POMZP3: variants seen among roughly 807,000 people sequenced by gnomAD.
POMZP3 encodes POM121 and ZP3 fusion protein.
A neutral mutation model predicts 19.8 loss-of-function variants in POMZP3; 10 were observed. The observed-to-expected ratio is 0.51, with a 90% CI of 0.31 to 0.86. The LOEUF (loss-of-function observed/expected upper bound fraction) is 0.86, where lower values mean the gene tolerates loss of function less well. Ranked by LOEUF, POMZP3 falls within the 40% of genes least tolerant of loss-of-function variation. The pLI, the probability that POMZP3 is intolerant of heterozygous loss-of-function variation, is 0.04. For missense variants in POMZP3, 152 were observed against 228.1 expected, an observed-to-expected ratio of 0.67 and a Z score of 2.15; for synonymous variants, 57 against 85.8, an observed-to-expected ratio of 0.66 and a Z score of 1.85.
Position 76,617,080 on chromosome 7 carries a change from A to C in POMZP3, c.345+1103T>G, listed in dbSNP as rs111676705. ...GAGACTGAGGCAGGAGAATCACTTGAACCTGGGAACCTGGAGTAGCTGGGA... is the reference window on the plus strand; with the variant it reads ...GAGACTGAGGCAGGAGAATCACTTGCACCTGGGAACCTGGAGTAGCTGGGA... On this transcript the variant is annotated intron_variant, in intron 4 of 6. Transcript: ENST00000310842. Among the ~76,000 whole-genome samples the C allele has an allele frequency of 3.0e-4, 29 of 96,158 alleles. 7 individuals are homozygous for C. The highest frequency in any genetic ancestry group is 5.9e-4 in the African/African-American group (14 of 23,672). 63.1% of individuals were successfully genotyped at this position (96,158 alleles called of 152,430 possible).
chr7:76,627,189 C>A lies in POMZP3; in HGVS notation c.-633G>T. On this transcript the variant is annotated 5_prime_UTR_variant, in exon 1 of 7. Transcript: ENST00000310842. ...GGCCGAGAAGCGCCGCCCCGGCCGG[C>A]CCTGACACTCGCTATCGGCCGCCGC... The A allele has an allele frequency of 1.4e-6, 2 of 1,442,904 alleles. No homozygotes were observed. The highest frequency in any genetic ancestry group is 9.2e-7 in the Non-Finnish European group (1 of 1,086,902). 89.4% of individuals were successfully genotyped at this position (1,442,904 alleles called of 1,614,324 possible).
rs1348024079 is a variant in POMZP3 at position 76,627,178 on chromosome 7, G to C, written c.-622C>G. The stretch of plus-strand genomic sequence containing the variant: ...GACCAGCGACAGGCCGAGAAGCGCC[G>C]CCCCGGCCGGCCCTGACACTCGCTA... On this transcript the variant is annotated 5_prime_UTR_variant, in exon 1 of 7. Transcript: ENST00000310842. 2.6e-5 allele frequency: 37 copies of C among 1,441,806 alleles called. 5 individuals are homozygous for C. The highest frequency in any genetic ancestry group is 3.4e-5 in the Non-Finnish European group (37 of 1,086,074). The allele number at this position is 1,441,806 out of a possible 1,614,324, so 89.3% of individuals were successfully genotyped here.
intron 1 of POMZP3, 200 bp from the exon 2 acceptor site, chr7:76,626,415 A>C: frequency 1.6e-6 from 1 of 609,402 alleles, no homozygotes; most frequent in Non-Finnish European, 2.9e-6. Context: ...CAGCTGTCTC[A>C]ACAATGGATT....
At chr7:76,620,064 T>C (rs1214561686) in intron 3 of POMZP3, among the ~76,000 whole-genome samples, 3 of 75,368 alleles carry the variant, frequency 4.0e-5, no homozygotes, top group Non-Finnish European at 7.6e-5. Flanking sequence ...CCTGTAATCC[T>C]AGCACTTTGG....
chr7:76,610,591 T>TCAGTG (rs1481866778), intron 6 of POMZP3, among the ~76,000 whole-genome samples: 1 of 151,996 alleles, frequency 6.6e-6, no homozygotes, highest in East Asian at 1.9e-4. Flanking sequence ...GGCAGAGGTT[T>TCAGTG]CAGTGAGCAG....
chr7:76,615,999 GGCAGGT>G (rs1201431414), intron 4 of POMZP3, among the ~76,000 whole-genome samples: 49 of 68,486 alleles, frequency 7.2e-4, no homozygotes, highest in South Asian at 5.2e-4. Flanking sequence ...AGGGGGGGGG[GGCAGGT>G]GGCACGTGGT....
rs1064143 is a variant in POMZP3, at chr7:76,626,135, G to C, written c.-71C>G. The C allele has an allele frequency of 6.2e-7, 1 of 1,604,954 alleles. No homozygotes were observed. Among genetic ancestry groups the C allele is most frequent in the Non-Finnish European group, 8.5e-7 (1 of 1,173,732 alleles). ...CCAGCACACTGTGGGAAGTACCCCC[G>C]GACAGGAATACTGGGCCTGATGGAT... On this transcript the variant is annotated 5_prime_UTR_variant, in exon 2 of 7. Coordinates refer to ENST00000310842, the MANE Select transcript of POMZP3 (RefSeq NM_012230.5).
At position 76,610,230 on chromosome 7, in the gene POMZP3, C is replaced by T. The variant is rs2116840263; in HGVS notation, c.*12-15G>A. 1 of 1,613,836 alleles carries T rather than the reference C, an allele frequency of 6.2e-7. No individual in the cohort carries two copies. Among genetic ancestry groups the T allele is most frequent in the East Asian group, 2.2e-5 (1 of 44,852 alleles). The stretch of plus-strand genomic sequence containing the variant: ...TTCTTCTGTCACTGTGAAAGGAGAA[C>T]ACACAACCAAGGGTCATCTTAGTCC... On this transcript the variant is annotated splice_polypyrimidine_tract_variant and intron_variant, in intron 6 of 6. Coordinates refer to ENST00000310842, the MANE Select transcript of POMZP3 (RefSeq NM_012230.5).
At chr7:76,619,128 G>C (rs1815407806) in intron 3 of POMZP3, among the ~76,000 whole-genome samples, 1 of 152,142 alleles carries the variant, frequency 6.6e-6, no homozygotes, top group Admixed American at 6.6e-5. Context: ...GCTGGGCGCA[G>C]TGGCTCATGC....
intron 3 of POMZP3, among the ~76,000 whole-genome samples, chr7:76,624,477 G>A (rs1815746693): frequency 6.7e-6 from 1 of 148,250 alleles, no homozygotes; most frequent in East Asian, 2.0e-4. Flanking sequence ...AGACAGTCTC[G>A]CTCTGTCACC....
In POMZP3 at chr7:76,626,707, C is replaced by A; in HGVS notation, c.-152+1G>T. 2.9e-6 allele frequency: 4 copies of A among 1,382,104 alleles called. No individual in the cohort carries two copies. Among genetic ancestry groups the A allele is most frequent in the Non-Finnish European group, 3.7e-6 (4 of 1,075,118 alleles). The allele number at this position is 1,382,104 out of a possible 1,614,324, so 85.6% of individuals were successfully genotyped here. A position where few individuals can be genotyped will look rare whatever the true frequency, so the allele number is the denominator to read the frequency against. ...GATCTGGGAAAATCAGCGCATCTCACCGTGGGGAAGGCCTCCCGGAGGGTC... is the reference window on the plus strand; with the variant it reads ...GATCTGGGAAAATCAGCGCATCTCAACGTGGGGAAGGCCTCCCGGAGGGTC... On this transcript the variant is annotated splice_donor_variant, in intron 1 of 6. Transcript: ENST00000310842. LOFTEE classifies it low-confidence loss of function (5UTR_SPLICE).
chr7:76,621,898 C>G (rs1359319569), intron 3 of POMZP3, among the ~76,000 whole-genome samples: 19 of 115,028 alleles, frequency 1.7e-4, no homozygotes, highest in South Asian at 3.1e-4. Context: ...CGAGATAGCG[C>G]TACTGCACTC....
At chr7:76,620,784 A>G (rs1324945308) in intron 3 of POMZP3, among the ~76,000 whole-genome samples, 1 of 150,712 alleles carries the variant, frequency 6.6e-6, no homozygotes, top group African/African-American at 2.4e-5. Flanking sequence ...CCCTTTCAAA[A>G]CATGTTCCAA....
At chr7:76,613,461 C>G (rs1236932326) in intron 4 of POMZP3, among the ~76,000 whole-genome samples, 1 of 128,646 alleles carries the variant, frequency 7.8e-6, no homozygotes, top group Non-Finnish European at 1.8e-5. Context: ...AGGACCCCCC[C>G]CACCCAGGGA....
chr7:76,626,351 T>C (rs1464988221), intron 1 of POMZP3, 136 bp from the exon 2 acceptor site: 8 of 883,884 alleles, frequency 9.1e-6, no homozygotes, highest in Non-Finnish European at 1.4e-5. Context: ...ACACGTTGTT[T>C]TTATGGCAAC....
At chr7:76,625,016 C>A (rs1225869456) in intron 3 of POMZP3, among the ~76,000 whole-genome samples, 1 of 150,786 alleles carries the variant, frequency 6.6e-6, no homozygotes, top group African/African-American at 2.4e-5. Context: ...GCCTGTAGTC[C>A]CAGCTACTCG....
chr7:76,619,685 G>A (rs1055427330), intron 3 of POMZP3, among the ~76,000 whole-genome samples: 2 of 141,902 alleles, frequency 1.4e-5, no homozygotes, highest in Admixed American at 7.2e-5. Context: ...TGAATGACGT[G>A]GCCCAAGAAA....
At chr7:76,624,311 G>A (rs1815735799) in intron 3 of POMZP3, among the ~76,000 whole-genome samples, 1 of 151,560 alleles carries the variant, frequency 6.6e-6, no homozygotes, top group African/African-American at 2.4e-5. Context: ...CACTTTGGGA[G>A]GCTGAGGCGA....
intron 2 of POMZP3, 74 bp downstream of exon 2, chr7:76,625,926 T>C: frequency 1.3e-6 from 2 of 1,596,626 alleles, no homozygotes; most frequent in African/African-American, 2.7e-5. Context: ...TGTAGTCATG[T>C]TGTCATAGGA....
Sources: gnomAD v4.1 joint callset for allele counts (sites outside exome capture counted in the v4.1 genomes callset) on GRCh38, gnomAD v4.1.1 for gene constraint, MANE v1.5 for transcripts, NCBI Gene and HGNC (gene_info 2026-07-23, HGNC 2026-07-21) for gene names.